Variants in SBF2 observed in about 807,000 individuals in gnomAD.
SBF2 encodes myotubularin-related protein 13.
SBF2 carries 112 observed loss-of-function variants against 225.2 expected under a neutral mutation model. That is an observed-to-expected ratio of 0.50 (90% CI 0.43 to 0.58). SBF2 has a LOEUF of 0.58. Among genes scored for constraint, SBF2 ranks in the 20% least tolerant of loss-of-function variants. The pLI is 0.00. For synonymous variants in SBF2, 763 were observed against 773.3 expected (o/e 0.99, Z 0.22); for missense variants, 1,996 against 2,206.2 (o/e 0.90, Z 1.91).
intron 1 of SBF2, among the ~76,000 whole-genome samples, chr11:10,277,892 C>T (rs1251392911): frequency 6.6e-6 from 1 of 152,162 alleles, no homozygotes; most frequent in Non-Finnish European, 1.5e-5. Context: ...CTTCAGACTT[C>T]TAGTCTCCAG....
At chr11:10,099,794 T>G (rs904041201) in intron 2 of SBF2, among the ~76,000 whole-genome samples, 2 of 152,048 alleles carry the variant, frequency 1.3e-5, no homozygotes, top group African/African-American at 4.8e-5. Context: ...AACTATAAAA[T>G]GTTTGATATG....
chr11:10,239,855 T>C (rs1307101190), intron 1 of SBF2, among the ~76,000 whole-genome samples: 2 of 152,230 alleles, frequency 1.3e-5, no homozygotes, highest in Non-Finnish European at 2.9e-5. Flanking sequence ...TTTGATTATG[T>C]TTTATGTGTT....
intron 2 of SBF2, among the ~76,000 whole-genome samples, chr11:10,173,540 C>A (rs1456115786): frequency 2.6e-5 from 4 of 152,224 alleles, no homozygotes; most frequent in Non-Finnish European, 5.9e-5. Flanking sequence ...ATTGCTAGCA[C>A]AGCAGTCTGA....
intron 16 of SBF2, among the ~76,000 whole-genome samples, chr11:9,920,725 C>A (rs964318467): frequency 6.6e-5 from 10 of 152,162 alleles, no homozygotes; most frequent in Non-Finnish European, 1.2e-4. Flanking sequence ...GCCAATTTCC[C>A]GAAACAAAAG....
At position 10,042,843 on chromosome 11, in the gene SBF2, C is replaced by G. The variant is rs1307606299; in HGVS notation, c.279+1G>C. On this transcript the variant is annotated splice_donor_variant, in intron 3 of 39. Coordinates refer to ENST00000256190, the MANE Select transcript of SBF2 (RefSeq NM_030962.4). LOFTEE classifies it high-confidence loss of function. ...ACTTTAGCTAGTAAAGGTTTTTGTA[C>G]CTGAAGATTGATCTCTGCCTCATAG... 6.2e-7 allele frequency: 1 copy of G among 1,613,738 alleles called. No individual in the cohort carries two copies. The highest frequency in any genetic ancestry group is 1.7e-5 in the Admixed American group (1 of 59,992).
chr11:9,866,262 T>G (rs955216520), intron 17 of SBF2, among the ~76,000 whole-genome samples: 2 of 151,944 alleles, frequency 1.3e-5, no homozygotes, highest in African/African-American at 4.8e-5. Flanking sequence ...AGACCCTGAA[T>G]AGCCAAAGCA....
intron 34 of SBF2, among the ~76,000 whole-genome samples, chr11:9,789,594 T>G (rs1267152793): frequency 6.6e-6 from 1 of 152,242 alleles, no homozygotes; most frequent in African/African-American, 2.4e-5. Flanking sequence ...TAGAGAATTC[T>G]TGGATTCCTC....
At chr11:10,000,837 T>G in intron 8 of SBF2, 77 bp downstream of exon 8, 1 of 776,204 alleles carries the variant, frequency 1.3e-6, no homozygotes, top group Non-Finnish European at 2.3e-6. Flanking sequence ...AGTGATGAGT[T>G]GAAATGTTAT....
intron 1 of SBF2, among the ~76,000 whole-genome samples, chr11:10,240,383 A>T (rs1959192221): frequency 6.6e-6 from 1 of 152,200 alleles, no homozygotes; most frequent in African/African-American, 2.4e-5. Context: ...ATGGGAACTT[A>T]AAAGTACCAT....
chr11:9,831,163 A>G (rs1469673788), intron 27 of SBF2, among the ~76,000 whole-genome samples: 4 of 151,786 alleles, frequency 2.6e-5, no homozygotes, highest in African/African-American at 9.7e-5. Context: ...ACGCCTGGCT[A>G]ATTTTTGTAT....
intron 16 of SBF2, among the ~76,000 whole-genome samples, chr11:9,934,656 G>A (rs796645651): frequency 2.6e-5 from 4 of 152,044 alleles, no homozygotes; most frequent in South Asian, 2.1e-4. Flanking sequence ...TTCAACATAC[G>A]CAAATCAATA....
intron 2 of SBF2, among the ~76,000 whole-genome samples, chr11:10,143,940 C>T (rs1261862143): frequency 1.3e-5 from 2 of 151,986 alleles, no homozygotes; most frequent in African/African-American, 4.8e-5. Flanking sequence ...AGGATGGTCT[C>T]GATCTCCTGA....
intron 2 of SBF2, among the ~76,000 whole-genome samples, chr11:10,102,118 A>G (rs965877899): frequency 2.6e-5 from 4 of 152,204 alleles, no homozygotes; most frequent in Admixed American, 2.6e-4. Context: ...AAATTTAGAC[A>G]TTTGGTCTAA....
rs541544047 is a variant in SBF2 at position 10,143,248 on chromosome 11, C to T, written c.141+50654G>A. ...GTGCAATGGCGCAATCTCGGCTCAC[C>T]GTAACCTCTGCCTCCTGGGTTCAAG... On this transcript the variant is annotated intron_variant, in intron 2 of 39. Coordinates refer to ENST00000256190, the MANE Select transcript of SBF2 (RefSeq NM_030962.4). 3.9e-5 allele frequency among the ~76,000 whole-genome samples: 6 copies of T among 152,096 alleles called. No individual in the cohort carries two copies. In the East Asian group the frequency reaches 9.7e-4, roughly 24 times the overall value.
At chr11:10,094,734 C>T (rs747389058) in intron 2 of SBF2, among the ~76,000 whole-genome samples, 1 of 151,662 alleles carries the variant, frequency 6.6e-6, no homozygotes, top group Non-Finnish European at 1.5e-5. Flanking sequence ...CAACTCCCGA[C>T]CTCAGGTGAT....
chr11:9,837,861 C>T (rs1322753201), intron 26 of SBF2, among the ~76,000 whole-genome samples: 2 of 152,068 alleles, frequency 1.3e-5, no homozygotes, highest in African/African-American at 2.4e-5. Context: ...CCTCAGCCTC[C>T]CAAGTAGCTG....
chr11:10,151,174 T>C (rs1955167680), intron 2 of SBF2, among the ~76,000 whole-genome samples: 1 of 152,220 alleles, frequency 6.6e-6, no homozygotes, highest in African/African-American at 2.4e-5. Context: ...CATCTATGCA[T>C]ACATACACAA....
At chr11:10,000,430 G>C (rs1404449134) in intron 8 of SBF2, among the ~76,000 whole-genome samples, 1 of 152,122 alleles carries the variant, frequency 6.6e-6, no homozygotes, top group African/African-American at 2.4e-5. Flanking sequence ...TGAATATAGA[G>C]TATACTTTTG....
intron 16 of SBF2, among the ~76,000 whole-genome samples, chr11:9,937,885 A>G (rs568391182): frequency 4.7e-4 from 71 of 152,342 alleles, no homozygotes; most frequent in African/African-American, 1.7e-3. Context: ...ATAACATGCT[A>G]AAGAATACAT....
Sources: allele counts gnomAD v4.1 joint callset (sites outside exome capture counted in the v4.1 genomes callset), GRCh38; gene constraint gnomAD v4.1.1; transcripts MANE v1.5; gene names NCBI Gene and HGNC (gene_info 2026-07-23, HGNC 2026-07-21).